Variants in KAZN observed in about 807,000 individuals in gnomAD.
The protein encoded by KAZN is kazrin.
Under a neutral mutation model 87.4 loss-of-function variants are expected in KAZN, and 40 were observed. That is an observed-to-expected ratio of 0.46 (90% CI 0.36 to 0.60). The LOEUF is 0.60. Ranked by LOEUF, KAZN falls within the 20% of genes least tolerant of loss-of-function variation. The pLI is 0.00. For missense variants in KAZN, 898 were observed against 1,073.9 expected, an observed-to-expected ratio of 0.84 and a Z score of 2.29; for synonymous variants, 466 against 458.3, an observed-to-expected ratio of 1.02 and a Z score of -0.22.
At chr1:14,348,635 C>A (rs551948943) in intron 2 of KAZN, among the ~76,000 whole-genome samples, 1 of 152,102 alleles carries the variant, frequency 6.6e-6, no homozygotes, top group South Asian at 2.1e-4. Context: ...TAGAAAAGAA[C>A]GCGAAGAGGG....
chr1:14,889,226 A>G (rs1654444808), intron 1 of KAZN, among the ~76,000 whole-genome samples: 1 of 152,218 alleles, frequency 6.6e-6, no homozygotes, highest in East Asian at 1.9e-4. Context: ...TGATGGGAGA[A>G]AAGTATTATT....
rs551625852 is a variant in KAZN, at chr1:14,033,753, C to G, written c.91+139997C>G. Among the ~76,000 whole-genome samples the G allele has an allele frequency of 5.3e-4, 80 of 152,320 alleles. 1 individual carries two copies. The highest frequency in any genetic ancestry group is 1.8e-3 in the African/African-American group (75 of 41,580). On this transcript the variant is annotated intron_variant, in intron 1 of 16. Coordinates refer to the KAZN transcript ENST00000636203. ...GTTTGCCCAATTACTGCAGCCACTA[C>G]AAAACTTCTAGAAGCCCATGTCAAG...
chr1:14,048,476 T>C (rs892233094), intron 1 of KAZN, among the ~76,000 whole-genome samples: 2 of 151,692 alleles, frequency 1.3e-5, no homozygotes, highest in Non-Finnish European at 2.9e-5. Flanking sequence ...CGATCTTGGC[T>C]CACTGCAACC....
chr1:13,970,552 G>C (rs531825177), intron 1 of KAZN, among the ~76,000 whole-genome samples: 1 of 152,208 alleles, frequency 6.6e-6, no homozygotes, highest in Non-Finnish European at 1.5e-5. Flanking sequence ...GCTTGGAACC[G>C]TGGAAGCCTC....
chr1:13,897,521 A>G (rs1570212330), intron 1 of KAZN, among the ~76,000 whole-genome samples: 1 of 152,188 alleles, frequency 6.6e-6, no homozygotes, highest in African/African-American at 2.4e-5. Flanking sequence ...GGAAGCTTTT[A>G]GAATAGATCT....
chr1:14,840,347 C>T (rs934118941), intron 1 of KAZN, among the ~76,000 whole-genome samples: 4 of 152,208 alleles, frequency 2.6e-5, no homozygotes, highest in African/African-American at 9.6e-5. Context: ...TCCCTAATCA[C>T]GAGCTGCTCC....
chr1:14,410,708 C>G (rs1664235353), intron 2 of KAZN, among the ~76,000 whole-genome samples: 1 of 152,166 alleles, frequency 6.6e-6, no homozygotes, highest in Non-Finnish European at 1.5e-5. Flanking sequence ...CATACAGACA[C>G]ACACAGAAGA....
chr1:14,100,390 AG>A, intron 1 of KAZN, among the ~76,000 whole-genome samples: 1 of 152,348 alleles, frequency 6.6e-6, no homozygotes, highest in East Asian at 1.9e-4. Context: ...GTGGACTTAC[AG>A]GACCCAGCGC....
At chr1:14,414,453 T>C (rs370743581) in intron 2 of KAZN, among the ~76,000 whole-genome samples, 3 of 151,666 alleles carry the variant, frequency 2.0e-5, no homozygotes, top group South Asian at 4.2e-4. Flanking sequence ...CATAATGTCA[T>C]ACAACAGTTA....
At chr1:14,646,311 T>G (rs1234916074) in intron 1 of KAZN, among the ~76,000 whole-genome samples, 2 of 152,212 alleles carry the variant, frequency 1.3e-5, no homozygotes, top group Non-Finnish European at 2.9e-5. Flanking sequence ...TTTGGGAGGC[T>G]GAGGCAGGAG....
intron 1 of KAZN, among the ~76,000 whole-genome samples, chr1:14,131,142 C>A (rs1442303732): frequency 2.0e-5 from 3 of 152,128 alleles, no homozygotes; most frequent in Non-Finnish European, 4.4e-5. Context: ...GAGCTGTACA[C>A]TTTCAAACAG....
At chr1:14,776,990 TTGTTTTGTTTTG>T (rs370400001) in intron 1 of KAZN, among the ~76,000 whole-genome samples, 1,922 of 151,750 alleles carry the variant, frequency 0.013, 17 homozygotes, top group Non-Finnish European at 0.02. Flanking sequence ...CTTCTTTGTT[TTGTTTTGTTTTG>T]TGTTTTGTTT....
At chr1:14,239,680 G>A (rs1013974513) in intron 2 of KAZN, among the ~76,000 whole-genome samples, 10 of 151,586 alleles carry the variant, frequency 6.6e-5, no homozygotes, top group Non-Finnish European at 8.8e-5. Flanking sequence ...GGCTGGTCTC[G>A]AACTCCCGAC....
At chr1:13,985,560 G>C (rs1481617349) in intron 1 of KAZN, among the ~76,000 whole-genome samples, 1 of 111,534 alleles carries the variant, frequency 9.0e-6, no homozygotes, top group African/African-American at 3.5e-5. Flanking sequence ...CTGTTGTGGG[G>C]TGGGGGGAGG....
At chr1:14,491,047 C>T (rs760170449) in intron 2 of KAZN, among the ~76,000 whole-genome samples, 3 of 152,234 alleles carry the variant, frequency 2.0e-5, no homozygotes, top group African/African-American at 7.2e-5. Context: ...AATGTTTATA[C>T]ATTTGTTCAC....
chr1:14,911,468 T>A (rs1657240628), intron 1 of KAZN, among the ~76,000 whole-genome samples: 1 of 152,190 alleles, frequency 6.6e-6, no homozygotes, highest in Admixed American at 6.5e-5. Flanking sequence ...AAACGCTGGC[T>A]CCACCTCCCA....
intron 1 of KAZN, among the ~76,000 whole-genome samples, chr1:14,958,033 C>A (rs1441066687): frequency 6.6e-6 from 1 of 152,154 alleles, no homozygotes; most frequent in African/African-American, 2.4e-5. Context: ...GGAGTTGCCA[C>A]CACCTTTTCC....
rs1358530063 is a variant in KAZN, at chr1:14,547,859, G to A, written c.250-51124G>A. On this transcript the variant is annotated intron_variant, in intron 2 of 16. Transcript: ENST00000636203. ...CCGCCTCAGCCTCCCAAAGTGCTGG[G>A]ATAACTCATATTTACAAAAATGAAC... Among the ~76,000 whole-genome samples, 4 of 152,022 alleles carry A rather than the reference G, an allele frequency of 2.6e-5. No homozygotes were observed. In the South Asian group the frequency reaches 6.2e-4, roughly 24 times the overall value.
At chr1:14,198,526 G>A (rs140024844) in intron 2 of KAZN, among the ~76,000 whole-genome samples, 1 of 152,320 alleles carries the variant, frequency 6.6e-6, no homozygotes, top group East Asian at 1.9e-4. Context: ...ATTGAACTGG[G>A]GAGGTGGAGA....
Sources: gnomAD v4.1 joint callset for allele counts (sites outside exome capture counted in the v4.1 genomes callset) on GRCh38, gnomAD v4.1.1 for gene constraint, MANE v1.5 for transcripts, NCBI Gene and HGNC (gene_info 2026-07-23, HGNC 2026-07-21) for gene names.